The following MATR3 variants were observed in gnomAD, a reference collection of about 807,000 sequenced individuals.
MATR3 encodes matrin-3.
A neutral mutation model predicts 85.5 loss-of-function variants in MATR3; 4 were observed. That is an observed-to-expected ratio of 0.05 (90% CI 0.02 to 0.11). The LOEUF is 0.11. MATR3 is among the 10% of genes least tolerant of loss of function. The pLI is 1.00. For missense variants in MATR3, 685 were observed against 1,016.1 expected (o/e 0.67, Z 4.43); for synonymous variants, 336 against 343.1 (o/e 0.98, Z 0.23).
intron 2 of MATR3, among the ~76,000 whole-genome samples, chr5:139,276,704 AT>A (rs1426827406): frequency 6.6e-6 from 1 of 152,100 alleles, no homozygotes; most frequent in Non-Finnish European, 1.5e-5. Context: ...TCACACCTTT[AT>A]TTTTAGTGCC....
At chr5:139,291,328 T>C (rs1753863095), upstream of MATR3, among the ~76,000 whole-genome samples, 1 of 152,220 alleles carries the variant, frequency 6.6e-6, no homozygotes, top group Admixed American at 6.5e-5. Context: ...ATTTATTGGT[T>C]TAATGTCTGC....
In MATR3 at chr5:139,330,678, A is replaced by AGAGATATTGATGACTTAACAGTACAATTG. The variant is rs1756096546; in HGVS notation, c.*1286_*1314dup. 2.2e-6 allele frequency: 1 copy of AGAGATATTGATGACTTAACAGTACAATTG among 454,048 alleles called. No homozygotes were observed. Among genetic ancestry groups the AGAGATATTGATGACTTAACAGTACAATTG allele is most frequent in the Non-Finnish European group, 4.4e-6 (1 of 226,798 alleles). 28.1% of individuals were successfully genotyped at this position (454,048 alleles called of 1,614,324 possible). Reference sequence around the variant, plus strand: ...GGTGAACAAACAGAAGCTTATGTTTAGAGATATTGATGACTTAACAGTACA... The same window carrying AGAGATATTGATGACTTAACAGTACAATTG: ...GGTGAACAAACAGAAGCTTATGTTTAGAGATATTGATGACTTAACAGTACAATTGGAGATATTGATGACTTAACAGTACA... On this transcript the variant is annotated 3_prime_UTR_variant, in exon 15 of 15. Transcript: ENST00000394805.
At chr5:139,320,914 A>AT (rs5871694) in intron 9 of MATR3, among the ~76,000 whole-genome samples, 2,906 of 118,162 alleles carry the variant, frequency 0.025, 54 homozygotes, top group Non-Finnish European at 0.033. Flanking sequence ...CGCCTGGCTA[A>AT]TTTTTTTTTT....
intron 12 of MATR3, among the ~76,000 whole-genome samples, chr5:139,324,620 C>G (rs894562134): frequency 1.3e-5 from 2 of 152,108 alleles, no homozygotes; most frequent in African/African-American, 4.8e-5. Flanking sequence ...AGCCATTACA[C>G]TGTTTGAGTA....
intron 7 of MATR3, 40 bp from the exon 8 acceptor site, chr5:139,318,868 A>T (rs763225775): frequency 1.9e-6 from 3 of 1,610,522 alleles, no homozygotes; most frequent in South Asian, 2.2e-5. Context: ...GAGAAAGCTG[A>T]TTGGAAAAAA....
chr5:139,274,675 G>A (rs1015056825), intron 1 of MATR3, among the ~76,000 whole-genome samples: 1 of 152,046 alleles, frequency 6.6e-6, no homozygotes, highest in Non-Finnish European at 1.5e-5. Context: ...CGTGGCTCAC[G>A]CCTGTAATCT....
At chr5:139,283,801 G>C (rs903788994) in intron 3 of MATR3, among the ~76,000 whole-genome samples, 6 of 152,162 alleles carry the variant, frequency 3.9e-5, no homozygotes, top group African/African-American at 1.4e-4. Flanking sequence ...ATCACCCGTA[G>C]ATTCCCTTGT....
At chr5:139,279,219 T>G (rs1231611959) in intron 3 of MATR3, 2 of 452,330 alleles carry the variant, frequency 4.4e-6, no homozygotes, top group African/African-American at 4.0e-5. Context: ...TGAAAAATTA[T>G]GTAGAGTATC....
chr5:139,284,285 G>A (rs1201824441), intron 3 of MATR3, among the ~76,000 whole-genome samples: 1 of 152,108 alleles, frequency 6.6e-6, no homozygotes, highest in African/African-American at 2.4e-5. Context: ...ATCACCTATA[G>A]GAAACTGAAC....
chr5:139,301,470 C>T (rs903012183), intron 1 of MATR3, among the ~76,000 whole-genome samples: 3 of 152,114 alleles, frequency 2.0e-5, no homozygotes, highest in African/African-American at 7.2e-5. Flanking sequence ...CAGGCGTGTG[C>T]CACCACACCC....
Position 139,307,853 on chromosome 5 carries a change from AAGG to A in MATR3, c.444_446del (p.Arg149del), listed in dbSNP as rs1012961702. 4 of 1,613,978 alleles carry A rather than the reference AAGG, an allele frequency of 2.5e-6. No individual in the cohort carries two copies. The highest frequency in any genetic ancestry group is 2.2e-5 in the East Asian group (1 of 44,890). ...TGCCCCAAATCCTTCTACAGCTTAA[AAGG>A]AGGAGAACTGAAGAAGGCCCTACCT... On this transcript the variant is annotated inframe_deletion, in exon 2 of 15. Transcript: ENST00000394805. The surrounding 1 kb of genome is among the most constrained non-coding windows in gnomAD (Gnocchi z 4.4).
intron 9 of MATR3, among the ~76,000 whole-genome samples, chr5:139,320,997 C>A (rs1755537550): frequency 6.6e-6 from 1 of 150,862 alleles, no homozygotes; most frequent in African/African-American, 2.4e-5. Context: ...ACCTTGTGAT[C>A]CGCCCGTCTC....
intron 1 of MATR3, among the ~76,000 whole-genome samples, chr5:139,275,076 T>C (rs1184632142): frequency 6.7e-6 from 1 of 150,328 alleles, no homozygotes; most frequent in Non-Finnish European, 1.5e-5. Flanking sequence ...CCTGGGTTCA[T>C]GCCATTCTCC....
rs1468138513 is a variant in MATR3, at chr5:139,325,471, A to G, written c.2180A>G (p.Asn727Ser). Residue 727 changes from asparagine (N) to serine (S), a missense_variant, in exon 13 of 15, where the codon AAC (asparagine) becomes AGC (serine). Asn to Ser is a conservative substitution (Grantham distance 46). Coordinates refer to ENST00000394805, the MANE Select transcript of MATR3 (RefSeq NM_018834.6). ...AAGATCGAGGAACTTGATCAAGAAA[A>G]CGAAGCAGCGTTGGAAAATGGAATT... ...VDKIEELDQE[N>S]EAALENGIKN... 2 of 1,614,196 alleles carry G rather than the reference A, an allele frequency of 1.2e-6. No homozygotes were observed. Among genetic ancestry groups the G allele is most frequent in the South Asian group, 2.2e-5 (2 of 91,080 alleles).
At chr5:139,295,759 G>T (rs1754114660) in intron 1 of MATR3, among the ~76,000 whole-genome samples, 1 of 152,220 alleles carries the variant, frequency 6.6e-6, no homozygotes, top group African/African-American at 2.4e-5. Flanking sequence ...TTAAAGCCCA[G>T]ATAGGTCGTG....
At chr5:139,312,110 CTT>C (rs1755014292) in intron 2 of MATR3, 1 of 152,046 alleles carries the variant, frequency 6.6e-6, no homozygotes, top group African/African-American at 2.4e-5. Context: ...GCTCCTCTGA[CTT>C]AGAGCCATTT....
At position 139,320,407 on chromosome 5, in the gene MATR3, C is replaced by T. The variant is rs943381560; in HGVS notation, c.1602+906C>T. Among the ~76,000 whole-genome samples the T allele has an allele frequency of 2.1e-3, 326 of 152,164 alleles. 1 individual carries two copies. The highest frequency in any genetic ancestry group is 7.0e-3 in the African/African-American group (292 of 41,520). ...CCAGAGTTGCCCAGGAGTTTGAGAC[C>T]GCCCTGACAACATATTGAGGCCACA... On this transcript the variant is annotated intron_variant, in intron 9 of 14. Transcript: ENST00000394805.
Position 139,307,372 on chromosome 5 carries a change from ATTT to A in MATR3, c.-35_-33del. The A allele has an allele frequency of 6.7e-7, 1 of 1,496,406 alleles. No individual in the cohort carries two copies. Among genetic ancestry groups the A allele is most frequent in the Non-Finnish European group, 9.0e-7 (1 of 1,115,822 alleles). The allele number at this position is 1,496,406 out of a possible 1,614,324, so 92.7% of individuals were successfully genotyped here. ...TTTCTTTTTGGCCGTCTTTAAAAAA[ATTT>A]TTTTTTTTAATCTATAAAATAGACA... On this transcript the variant is annotated 5_prime_UTR_variant, in exon 2 of 15. Coordinates refer to ENST00000394805, the MANE Select transcript of MATR3 (RefSeq NM_018834.6). The surrounding 1 kb of genome is among the most constrained non-coding windows in gnomAD (Gnocchi z 4.4).
At chr5:139,305,968 G>C (rs1311245908) in intron 1 of MATR3, among the ~76,000 whole-genome samples, 2 of 151,972 alleles carry the variant, frequency 1.3e-5, no homozygotes, top group Non-Finnish European at 2.9e-5. Flanking sequence ...TGTAACTACT[G>C]GATATTGTCT....
Sources: allele counts gnomAD v4.1 joint callset (sites outside exome capture counted in the v4.1 genomes callset), GRCh38; gene constraint gnomAD v4.1.1; non-coding constraint Gnocchi (gnomAD v3.1); transcripts MANE v1.5; gene names NCBI Gene and HGNC (gene_info 2026-07-23, HGNC 2026-07-21).